Variants in SF3B2 observed in about 807,000 individuals in gnomAD.
SF3B2 encodes SAP 145.
Under a neutral mutation model 116.3 loss-of-function variants are expected in SF3B2, and 22 were observed. The ratio of observed to expected loss-of-function variants is 0.19; its 90% CI spans 0.14 to 0.27. The LOEUF is 0.27. Ranked by LOEUF, SF3B2 falls within the 10% of genes least tolerant of loss-of-function variation. The pLI, the probability that SF3B2 is intolerant of heterozygous loss-of-function variation, is 1.00. For synonymous variants in SF3B2, 406 were observed against 421.6 expected, an observed-to-expected ratio of 0.96 and a Z score of 0.45; for missense variants, 767 against 1,151.4, an observed-to-expected ratio of 0.67 and a Z score of 4.83.
intron 3 of SF3B2, 26 bp from the exon 4 acceptor site, chr11:66,055,050 G>A: frequency 6.7e-7 from 1 of 1,498,850 alleles, no homozygotes; most frequent in Non-Finnish European, 8.9e-7. Flanking sequence ...ATGCTTCCTA[G>A]TTTTATGATC....
At position 66,059,104 on chromosome 11, in the gene SF3B2, G is replaced by T. The variant is rs1292582488; in HGVS notation, c.1182+59G>T. 2 of 1,607,448 alleles carry T rather than the reference G, an allele frequency of 1.2e-6. No individual in the cohort carries two copies. Among genetic ancestry groups the T allele is most frequent in the African/African-American group, 2.7e-5 (2 of 74,582 alleles). On this transcript the variant is annotated intron_variant, in intron 10 of 21. Transcript: ENST00000322535. This position sits in a 1 kb window ranked among gnomAD's most constrained non-coding sequence, Gnocchi z 5.0. The stretch of plus-strand genomic sequence containing the variant: ...CAAACAGGGAAGGGGCTCAGAGGTG[G>T]GTGAGAGGCAGCGGTGAACAGGCAT...
chr11:66,055,664 C>A, intron 5 of SF3B2, 79 bp downstream of exon 5: 1 of 1,291,440 alleles, frequency 7.7e-7, no homozygotes, highest in Non-Finnish European at 1.1e-6. Flanking sequence ...GTGCACCATT[C>A]AAGTTTTCCC....
intron 19 of SF3B2, 111 bp from the exon 20 acceptor site, chr11:66,067,835 T>G: frequency 1.2e-6 from 1 of 800,916 alleles, no homozygotes; most frequent in South Asian, 1.6e-5. Context: ...CTTGGGGAGC[T>G]CAGAAGCTCT....
intron 19 of SF3B2, 100 bp from the exon 20 acceptor site, chr11:66,067,846 C>CCAGGGA: frequency 2.2e-6 from 2 of 899,034 alleles, no homozygotes; most frequent in Non-Finnish European, 3.5e-6. Flanking sequence ...CAGAAGCTCT[C>CCAGGGA]CAAGGCGCTG....
Position 66,062,999 on chromosome 11 carries a change from T to C in SF3B2, c.1978-10T>C, listed in dbSNP as rs1181314763. On this transcript the variant is annotated splice_polypyrimidine_tract_variant and intron_variant, in intron 16 of 21. Transcript: ENST00000322535. ...TAAGGAGTGAACTGATTGTGCTCAC[T>C]GTCTTGCAGAGCTGTTCCTTTGGGT... The C allele has an allele frequency of 2.5e-6, 4 of 1,603,008 alleles. No individual in the cohort carries two copies. The highest frequency in any genetic ancestry group is 3.4e-6 in the Non-Finnish European group (4 of 1,172,172).
intron 7 of SF3B2, among the ~76,000 whole-genome samples, chr11:66,057,793 A>AG (rs1446327126): frequency 1.3e-5 from 2 of 151,784 alleles, no homozygotes; most frequent in Non-Finnish European, 2.9e-5. Context: ...CTCAACATGG[A>AG]GAAACCCCAT....
chr11:66,057,245 T>A (rs1458711621), intron 6 of SF3B2, 21 bp from the exon 7 acceptor site: 2 of 1,438,570 alleles, frequency 1.4e-6, no homozygotes, highest in Admixed American at 1.7e-5. Context: ...TGACATTGGA[T>A]TTCTTTTTCC....
intron 14 of SF3B2, among the ~76,000 whole-genome samples, chr11:66,060,939 A>G (rs1415747340): frequency 1.3e-5 from 2 of 152,158 alleles, no homozygotes; most frequent in African/African-American, 4.8e-5. Context: ...AGCTGGGACC[A>G]CAGGCACACC....
chr11:66,056,049 A>G (rs1856987959), intron 5 of SF3B2, among the ~76,000 whole-genome samples: 1 of 152,172 alleles, frequency 6.6e-6, no homozygotes, highest in African/African-American at 2.4e-5. Flanking sequence ...CCAGAGGTGC[A>G]TTGCATCAGT....
At position 66,063,666 on chromosome 11, in the gene SF3B2, C is replaced by G. The variant is rs751328557; in HGVS notation, c.2267C>G (p.Ala756Gly). 6.2e-7 allele frequency: 1 copy of G among 1,613,702 alleles called. No individual in the cohort carries two copies. The highest frequency in any genetic ancestry group is 8.5e-7 in the Non-Finnish European group (1 of 1,179,888). Reference sequence around the variant, plus strand: ...CCTGGAGGCTTTTCATCAGTGCCTGCTGGAATGGAGACCCCTGAACTCATT... The same window carrying G: ...CCTGGAGGCTTTTCATCAGTGCCTGGTGGAATGGAGACCCCTGAACTCATT... ...ITPGGFSSVP[A>G]GMETPELIEL... is the part of the protein sequence containing the mutation. Residue 756 changes from alanine to glycine, a missense_variant, in exon 19 of 22, where the codon GCT becomes GGT. By Grantham distance (60) the Ala-to-Gly change is moderately conservative. Transcript: ENST00000322535.
In SF3B2 at chr11:66,055,583, C is replaced by T. The variant is rs746845668; in HGVS notation, c.547C>T (p.Arg183Trp). The change falls in exon 5 of 22, where the codon CGG (arginine) becomes TGG (tryptophan). Residue 183 changes from arginine to tryptophan, a missense_variant and splice_region_variant. Arg to Trp is a moderately radical substitution (Grantham distance 101, BLOSUM62 -3). Around this residue, in one of 4 missense-constraint regions of SF3B2, gnomAD observed 455 missense variants for 537.5 expected, o/e 0.85. Transcript: ENST00000322535. ...KEHELLEQQK[R>W]AAVLLEQERQ... ...ACATGAGCTCTTGGAGCAGCAGAAG[C>T]GGGTAATACCCCTCCCCCTAACCTT... 1.7e-5 allele frequency: 28 copies of T among 1,614,100 alleles called. No homozygotes were observed. Among genetic ancestry groups the T allele is most frequent in the East Asian group, 2.2e-5 (1 of 44,880 alleles).
chr11:66,055,191 C>G lies in SF3B2; in HGVS notation c.374C>G (p.Pro125Arg). 1.9e-6 allele frequency: 3 copies of G among 1,612,110 alleles called. No individual in the cohort carries two copies. The highest frequency in any genetic ancestry group is 2.5e-6 in the Non-Finnish European group (3 of 1,178,504). The change falls in exon 4 of 22, where the codon CCA becomes CGA. Residue 125 changes from proline (P) to arginine (R), a missense_variant. Coordinates refer to ENST00000322535, the MANE Select transcript of SF3B2 (RefSeq NM_006842.3). ...LGLGFPMAHP[P>R]NLGPPPPLRV... ...CTTGGCTTTCCTATGGCCCACCCACCAAATTTGGGGCCCCCGCCTCCTCTC... is the reference window on the plus strand; with the variant it reads ...CTTGGCTTTCCTATGGCCCACCCACGAAATTTGGGGCCCCCGCCTCCTCTC...
In SF3B2 at chr11:66,068,967, T is replaced by G; in HGVS notation, c.*222T>G. On this transcript the variant is annotated 3_prime_UTR_variant, in exon 22 of 22. Coordinates refer to ENST00000322535, the MANE Select transcript of SF3B2 (RefSeq NM_006842.3). Reference sequence around the variant, plus strand: ...TTCTTGCAAAAGGACTAAAATAGTCTCTTTCTACAATCACTGGGCTGCCCC... The same window carrying G: ...TTCTTGCAAAAGGACTAAAATAGTCGCTTTCTACAATCACTGGGCTGCCCC... The G allele has an allele frequency of 1.9e-6, 1 of 520,468 alleles. No homozygotes were observed. Among genetic ancestry groups the G allele is most frequent in the Non-Finnish European group, 3.5e-6 (1 of 286,480 alleles). The allele number at this position is 520,468 out of a possible 1,614,324, so 32.2% of individuals were successfully genotyped here.
At chr11:66,066,084 A>G (rs1156307627) in intron 19 of SF3B2, 3 of 152,252 alleles carry the variant, frequency 2.0e-5, no homozygotes, top group Non-Finnish European at 2.9e-5. Context: ...CATGTTGACC[A>G]GGCTGTTCTT....
chr11:66,062,463 C>T (rs1857114638), intron 16 of SF3B2, among the ~76,000 whole-genome samples: 6 of 149,066 alleles, frequency 4.0e-5, no homozygotes, highest in Admixed American at 2.7e-4. Context: ...ATAGTGAAAC[C>T]GCACCTCTAC....
intron 5 of SF3B2, 169 bp downstream of exon 5, chr11:66,055,754 C>G: frequency 1.6e-6 from 1 of 625,028 alleles, no homozygotes; most frequent in South Asian, 2.1e-5. Flanking sequence ...AATTGACAAA[C>G]TATGACCTGT....
chr11:66,052,500 T>C lies in SF3B2; in HGVS notation c.116T>C (p.Ile39Thr), dbSNP rs748286588. ...GAGCTTCAGGCCAAGTTGGCAGAGA[T>C]CGGAGCTCCGATCCAGGGTGAGGAA... ...AQELQAKLAE[I>T]GAPIQGNREE... The change falls in exon 1 of 22, where the codon ATC (isoleucine) becomes ACC (threonine). Residue 39 changes from isoleucine to threonine, a missense_variant. By Grantham distance (89) the Ile-to-Thr change is moderately conservative. Transcript: ENST00000322535. The C allele has an allele frequency of 1.9e-5, 30 of 1,613,170 alleles. No individual in the cohort carries two copies. Among genetic ancestry groups the C allele is most frequent in the Non-Finnish European group, 2.2e-5 (26 of 1,179,596 alleles).
rs1263568685 is a variant in SF3B2 at position 66,059,976 on chromosome 11, C to T, written c.1596C>T (p.Gly532=). The change falls in exon 13 of 22, where the codon GGC becomes GGT. Residue 532 remains glycine (G), a synonymous_variant. Transcript: ENST00000322535. The surrounding 1 kb of genome is among the most constrained non-coding windows in gnomAD (Gnocchi z 5.0). The part of the protein sequence containing the change: ...FELPDFIKRT[G]IQEMREALQE... ...TGCCAGACTTCATCAAACGCACAGG[C>T]ATCCAGGAGATGCGAGAGGCCCTGC... The T allele has an allele frequency of 4.3e-6, 7 of 1,614,040 alleles. No homozygotes were observed. The highest frequency in any genetic ancestry group is 5.9e-6 in the Non-Finnish European group (7 of 1,180,048).
In SF3B2 at chr11:66,059,741, G is replaced by C; in HGVS notation, c.1402-41G>C. The stretch of plus-strand genomic sequence containing the variant: ...GGAAGAAGAGCTTCAGAACTGAGAA[G>C]TCGGGGCTCTCGAGAACACGCATTA... On this transcript the variant is annotated intron_variant, in intron 12 of 21. Coordinates refer to ENST00000322535, the MANE Select transcript of SF3B2 (RefSeq NM_006842.3). This position sits in a 1 kb window ranked among gnomAD's most constrained non-coding sequence, Gnocchi z 5.0. 1.9e-6 allele frequency: 3 copies of C among 1,609,542 alleles called. No homozygotes were observed. Among genetic ancestry groups the C allele is most frequent in the Non-Finnish European group, 2.6e-6 (3 of 1,175,900 alleles).
Sources: gnomAD v4.1 joint callset for allele counts (sites outside exome capture counted in the v4.1 genomes callset) on GRCh38, gnomAD v4.1.1 for gene constraint, gnomAD v4.1.1 regional missense constraint, Gnocchi (gnomAD v3.1) non-coding constraint, MANE v1.5 for transcripts, NCBI Gene and HGNC (gene_info 2026-07-23, HGNC 2026-07-21) for gene names.